The following LRFN5 variants were observed in gnomAD, a reference collection of about 807,000 sequenced individuals.
The protein encoded by LRFN5 is leucine rich repeat and fibronectin type III domain containing 5.
A neutral mutation model predicts 45.6 loss-of-function variants in LRFN5; 24 were observed. The observed-to-expected ratio is 0.53, with a 90% confidence interval of 0.38 to 0.74. The LOEUF (loss-of-function observed/expected upper bound fraction) is 0.74, where lower values mean the gene tolerates loss of function less well. Ranked by LOEUF, LRFN5 falls within the 30% of genes least tolerant of loss-of-function variation. LRFN5 has a pLI of 0.00. For synonymous variants in LRFN5, 340 were observed against 313.8 expected, an observed-to-expected ratio of 1.08 and a Z score of -0.88; for missense variants, 776 against 861.5, an observed-to-expected ratio of 0.90 and a Z score of 1.24.
At chr14:41,831,383 T>C (rs528144350) in intron 2 of LRFN5, among the ~76,000 whole-genome samples, 2 of 152,270 alleles carry the variant, frequency 1.3e-5, no homozygotes, top group East Asian at 3.9e-4. Context: ...TACATAGACA[T>C]AAACACACAT....
intron 1 of LRFN5, among the ~76,000 whole-genome samples, chr14:41,695,649 C>A (rs1240982723): frequency 6.6e-6 from 1 of 151,920 alleles, no homozygotes; most frequent in African/African-American, 2.4e-5. Flanking sequence ...ACGACAAAGC[C>A]TGGATTATAT....
rs778299917 is a variant in LRFN5 at position 41,888,019 on chromosome 14, A to G, written c.1385+9A>G. 3.2e-6 allele frequency: 5 copies of G among 1,568,414 alleles called. No homozygotes were observed. Among genetic ancestry groups the G allele is most frequent in the Non-Finnish European group, 4.3e-6 (5 of 1,157,938 alleles). ...GACACCCTTGTTTACAGGTAAGAAA[A>G]ATTGAGCAAATTTGTATACTTACCA... On this transcript the variant is annotated intron_variant, in intron 3 of 5. Coordinates refer to ENST00000298119, the MANE Select transcript of LRFN5 (RefSeq NM_152447.5).
chr14:41,678,943 G>A (rs377581027), intron 1 of LRFN5, among the ~76,000 whole-genome samples: 3 of 152,150 alleles, frequency 2.0e-5, no homozygotes, highest in African/African-American at 7.2e-5. Context: ...TGACCTTGGC[G>A]TAGGTAGAGT....
intron 5 of LRFN5, among the ~76,000 whole-genome samples, chr14:41,899,905 T>C (rs138239064): frequency 5.3e-5 from 8 of 152,274 alleles, no homozygotes; most frequent in Middle Eastern, 6.8e-3. Context: ...AAACAATCAA[T>C]AGCACAATGT....
chr14:41,797,900 C>T (rs141630329), intron 2 of LRFN5, among the ~76,000 whole-genome samples: 325 of 151,788 alleles, frequency 2.1e-3, no homozygotes, highest in African/African-American at 7.3e-3. Flanking sequence ...GTTTGGATTT[C>T]TTGTTTTTAA....
chr14:41,852,603 T>A (rs932661851), intron 2 of LRFN5, among the ~76,000 whole-genome samples: 1 of 151,926 alleles, frequency 6.6e-6, no homozygotes, highest in Admixed American at 6.6e-5. Context: ...CATAGCTTTT[T>A]TCCTGAGCTC....
At chr14:41,673,967 C>G (rs1333087477) in intron 1 of LRFN5, among the ~76,000 whole-genome samples, 24 of 141,932 alleles carry the variant, frequency 1.7e-4, no homozygotes, top group Admixed American at 1.6e-3. Flanking sequence ...ACCTCCCTCC[C>G]GGACGGGGTG....
chr14:41,660,380 C>A (rs941822746), intron 1 of LRFN5, among the ~76,000 whole-genome samples: 2 of 152,060 alleles, frequency 1.3e-5, no homozygotes, highest in African/African-American at 4.8e-5. Context: ...CCAAACCCTG[C>A]TGGATCAAAA....
At chr14:41,795,923 A>T (rs1196821854) in intron 2 of LRFN5, among the ~76,000 whole-genome samples, 2 of 66,184 alleles carry the variant, frequency 3.0e-5, no homozygotes, top group Non-Finnish European at 2.8e-5. Context: ...CTTAAAGTAT[A>T]TAAAAAAAAA....
chr14:41,865,424 A>G (rs1295723167), intron 2 of LRFN5, among the ~76,000 whole-genome samples: 1 of 152,212 alleles, frequency 6.6e-6, no homozygotes, highest in Non-Finnish European at 1.5e-5. Context: ...TTGCCAAATA[A>G]TATAGCATTG....
At chr14:41,637,199 G>C (rs913410964) in intron 1 of LRFN5, among the ~76,000 whole-genome samples, 2 of 152,092 alleles carry the variant, frequency 1.3e-5, no homozygotes, top group African/African-American at 4.8e-5. Flanking sequence ...CCAGAGAACT[G>C]TTCTGTAGGA....
At chr14:41,725,487 C>G (rs961905104) in intron 1 of LRFN5, among the ~76,000 whole-genome samples, 18 of 152,184 alleles carry the variant, frequency 1.2e-4, no homozygotes, top group Admixed American at 8.5e-4. Flanking sequence ...TGTCCACTGC[C>G]TGACAGATGA....
At chr14:41,875,245 G>A (rs899150668) in intron 2 of LRFN5, among the ~76,000 whole-genome samples, 2 of 152,162 alleles carry the variant, frequency 1.3e-5, no homozygotes, top group East Asian at 1.9e-4. Context: ...ACATGCATAG[G>A]AAATGCTCAT....
In LRFN5 at chr14:41,891,472, C is replaced by T. The variant is rs1890777549; in HGVS notation, c.1608C>T (p.Ile536=). The change falls in exon 4 of 6, where the codon ATC becomes ATT. Residue 536 remains isoleucine (I), a synonymous_variant. Coordinates refer to ENST00000298119, the MANE Select transcript of LRFN5 (RefSeq NM_152447.5). Reference sequence around the variant, plus strand: ...CCATGATTATTATTATTGGTGGAATCATTGTAGCATCTGTGCTGGTATTCA... The same window carrying T: ...CCATGATTATTATTATTGGTGGAATTATTGTAGCATCTGTGCTGGTATTCA... ...GGTMIIIIGG[I]IVASVLVFII... The T allele has an allele frequency of 6.2e-7, 1 of 1,614,156 alleles. No homozygotes were observed. The highest frequency in any genetic ancestry group is 8.5e-7 in the Non-Finnish European group (1 of 1,180,022).
At chr14:41,678,067 C>T (rs1428494508) in intron 1 of LRFN5, among the ~76,000 whole-genome samples, 2 of 151,954 alleles carry the variant, frequency 1.3e-5, no homozygotes, top group South Asian at 2.1e-4. Context: ...ATAAGAGACA[C>T]ATTTCAAATT....
At chr14:41,752,903 A>G (rs1381155890) in intron 1 of LRFN5, among the ~76,000 whole-genome samples, 2 of 152,118 alleles carry the variant, frequency 1.3e-5, no homozygotes, top group Admixed American at 1.3e-4. Context: ...TTTTAGGTTT[A>G]ACATTTAAGT....
At chr14:41,838,353 G>A (rs911540097) in intron 2 of LRFN5, among the ~76,000 whole-genome samples, 1 of 152,282 alleles carries the variant, frequency 6.6e-6, no homozygotes, top group African/African-American at 2.4e-5. Context: ...TGCTAATGAA[G>A]TAGGACTCCG....
At chr14:41,657,390 G>A (rs575640153) in intron 1 of LRFN5, among the ~76,000 whole-genome samples, 11 of 151,946 alleles carry the variant, frequency 7.2e-5, no homozygotes, top group Non-Finnish European at 8.8e-5. Context: ...GTTTTATCTT[G>A]AATGATGTAA....
chr14:41,793,842 G>A (rs552024418), intron 2 of LRFN5, among the ~76,000 whole-genome samples: 3 of 152,186 alleles, frequency 2.0e-5, no homozygotes, highest in African/African-American at 7.2e-5. Flanking sequence ...TGGATGTTCA[G>A]TTACTTTGGG....
Sources: allele counts gnomAD v4.1 joint callset (sites outside exome capture counted in the v4.1 genomes callset), GRCh38; gene constraint gnomAD v4.1.1; transcripts MANE v1.5; gene names NCBI Gene and HGNC (gene_info 2026-07-23, HGNC 2026-07-21).